Variants in CD46 observed in about 807,000 individuals in gnomAD.
CD46 encodes the protein CD46 molecule.
CD46 carries 30 observed loss-of-function variants against 53.3 expected under a neutral mutation model. That is an observed-to-expected ratio of 0.56 (90% CI 0.42 to 0.76). The LOEUF is 0.76. Ranked by LOEUF, CD46 falls within the 30% of genes least tolerant of loss-of-function variation. The pLI is 0.00. For synonymous variants in CD46, 142 were observed against 152.0 expected, an observed-to-expected ratio of 0.93 and a Z score of 0.48; for missense variants, 409 against 463.0, an observed-to-expected ratio of 0.88 and a Z score of 1.07.
At chr1:207,775,266 A>G (rs759085581) in intron 8 of CD46, among the ~76,000 whole-genome samples, 2 of 152,128 alleles carry the variant, frequency 1.3e-5, no homozygotes, top group African/African-American at 4.8e-5. Flanking sequence ...TGTTTATTCT[A>G]GTTAGCCATT....
chr1:207,758,108 T>G (rs753115118), intron 3 of CD46, among the ~76,000 whole-genome samples: 2 of 152,194 alleles, frequency 1.3e-5, no homozygotes, highest in Admixed American at 6.5e-5. Flanking sequence ...AAACCTTATT[T>G]TTGAGACTGC....
intron 3 of CD46, among the ~76,000 whole-genome samples, chr1:207,758,452 C>G (rs1393574115): frequency 3.3e-5 from 5 of 152,088 alleles, no homozygotes; most frequent in Non-Finnish European, 5.9e-5. Context: ...AGGGGGTTCT[C>G]GCTTTATAAC....
chr1:207,787,807 T>G (rs1325365758), intron 11 of CD46, among the ~76,000 whole-genome samples: 2 of 152,248 alleles, frequency 1.3e-5, no homozygotes, highest in African/African-American at 4.8e-5. Flanking sequence ...TATTATTTTG[T>G]AGTTCCATGT....
chr1:207,793,983 C>T lies in CD46; in HGVS notation c.*506C>T, dbSNP rs1660032448. On this transcript the variant is annotated 3_prime_UTR_variant, in exon 13 of 13. Coordinates refer to ENST00000367042, the MANE Select transcript of CD46 (RefSeq NM_172351.3). ...ATTAATGCCAACTCTTAAGATTATTCTTTCACCAACTATAGAATGTATTTT... is the reference window on the plus strand; with the variant it reads ...ATTAATGCCAACTCTTAAGATTATTTTTTCACCAACTATAGAATGTATTTT... 4.8e-6 allele frequency: 1 copy of T among 209,712 alleles called. No individual in the cohort carries two copies. Among genetic ancestry groups the T allele is most frequent in the Admixed American group, 5.2e-5 (1 of 19,068 alleles). The allele number at this position is 209,712 out of a possible 1,614,324, so 13.0% of individuals were successfully genotyped here.
Position 207,769,764 on chromosome 1 carries a change from TC to T in CD46, c.902-554del, listed in dbSNP as rs200969969. 5.6e-3 allele frequency: 847 copies of T among 150,320 alleles called. 13 individuals are homozygous for T. Among genetic ancestry groups the T allele is most frequent in the African/African-American group, 0.018 (710 of 40,386 alleles). The allele number at this position is 150,320 out of a possible 1,614,324, so 9.3% of individuals were successfully genotyped here. ...ATACATATGTTTACCCCAAGCACAT[TC>T]CCTTTTTTTTTTTTTGAGACAGAGT... On this transcript the variant is annotated intron_variant, in intron 7 of 12. Transcript: ENST00000367042.
rs377495606 is a variant in CD46, at chr1:207,761,223, C to G, written c.476-26C>G. On this transcript the variant is annotated intron_variant, in intron 4 of 12. Coordinates refer to ENST00000367042, the MANE Select transcript of CD46 (RefSeq NM_172351.3). ...ATGCTGTCTTAATCTTTTACATTTC[C>G]TTTCCTCTTTTTCTTCATTTTTAAG... 15 of 1,454,562 alleles carry G rather than the reference C, an allele frequency of 1.0e-5. No individual in the cohort carries two copies. The African/African-American group carries it at 2.0e-4, about 19-fold the overall frequency. The allele number at this position is 1,454,562 out of a possible 1,614,324, so 90.1% of individuals were successfully genotyped here. A position where few individuals can be genotyped will look rare whatever the true frequency, so the allele number is the denominator to read the frequency against.
chr1:207,775,376 G>T (rs1657985269), intron 8 of CD46, among the ~76,000 whole-genome samples: 1 of 152,104 alleles, frequency 6.6e-6, no homozygotes, highest in African/African-American at 2.4e-5. Context: ...ACCTACTTCT[G>T]TTAACTCATC....
In CD46 at chr1:207,774,855, A is replaced by T. The variant is rs141544565; in HGVS notation, c.943+4493A>T. Among the ~76,000 whole-genome samples the T allele has an allele frequency of 6.3e-3, 961 of 152,138 alleles. 10 individuals are homozygous for T. Among genetic ancestry groups the T allele is most frequent in the African/African-American group, 0.022 (921 of 41,486 alleles). ...TTCAACCTTGGTGAATCTGACGATTATGTGTCTTGGGGTTGCACTTTTCAA... is the reference window on the plus strand; with the variant it reads ...TTCAACCTTGGTGAATCTGACGATTTTGTGTCTTGGGGTTGCACTTTTCAA... On this transcript the variant is annotated intron_variant, in intron 8 of 12. Transcript: ENST00000367042.
chr1:207,786,581 C>T (rs1431686476), intron 11 of CD46, among the ~76,000 whole-genome samples: 1 of 151,952 alleles, frequency 6.6e-6, no homozygotes, highest in Non-Finnish European at 1.5e-5. Context: ...AACTGTTTTC[C>T]CCTATAGTTT....
intron 1 of CD46, among the ~76,000 whole-genome samples, chr1:207,754,056 T>C (rs923745338): frequency 2.6e-5 from 4 of 152,212 alleles, no homozygotes; most frequent in Non-Finnish European, 5.9e-5. Context: ...ACACAGTAGA[T>C]AACCAATAAA....
intron 1 of CD46, among the ~76,000 whole-genome samples, chr1:207,756,597 A>G (rs2102535725): frequency 6.6e-6 from 1 of 152,340 alleles, no homozygotes; most frequent in South Asian, 2.1e-4. Flanking sequence ...GACACCCTGA[A>G]GTGACAAGCT....
rs35546891 is a variant in CD46 at position 207,782,640 on chromosome 1, C to CTTTTTTT, written c.944-632_944-626dup. ...AAAGCATTTATTTTTATTAATCCCT[C>CTTTTTTT]TTTTTTTTTTTTTTTTTTTTTTTTT... On this transcript the variant is annotated intron_variant, in intron 8 of 12. Transcript: ENST00000367042. Among the ~76,000 whole-genome samples, 13 of 62,650 alleles carry CTTTTTTT rather than the reference C, an allele frequency of 2.1e-4. 2 individuals are homozygous for CTTTTTTT. The highest frequency in any genetic ancestry group is 7.7e-4 in the African/African-American group (11 of 14,280). The allele number at this position is 62,650 out of a possible 152,430, so 41.1% of individuals were successfully genotyped here. A position where few individuals can be genotyped will look rare whatever the true frequency, so the allele number is the denominator to read the frequency against.
chr1:207,755,933 G>A (rs929617375), intron 1 of CD46, among the ~76,000 whole-genome samples: 1 of 152,162 alleles, frequency 6.6e-6, no homozygotes, highest in Non-Finnish European at 1.5e-5. Flanking sequence ...GTGACATATT[G>A]TGCTGGGTGT....
At chr1:207,764,774 C>A (rs1178057006) in intron 5 of CD46, among the ~76,000 whole-genome samples, 4 of 152,124 alleles carry the variant, frequency 2.6e-5, no homozygotes, top group Non-Finnish European at 4.4e-5. Context: ...ATATGGATAA[C>A]CTGAATACTC....
chr1:207,762,207 T>C (rs1656293146), intron 5 of CD46, among the ~76,000 whole-genome samples: 1 of 152,140 alleles, frequency 6.6e-6, no homozygotes, highest in Non-Finnish European at 1.5e-5. Context: ...TAGAAAGTGT[T>C]TTGAATTGAA....
In CD46 at chr1:207,795,125, A is replaced by G. The variant is rs1660141196; in HGVS notation, c.*1648A>G. The G allele has an allele frequency of 6.6e-6, 1 of 152,240 alleles. No homozygotes were observed. The highest frequency in any genetic ancestry group is 1.9e-4 in the East Asian group (1 of 5,204). The allele number at this position is 152,240 out of a possible 1,614,324, so 9.4% of individuals were successfully genotyped here. A position where few individuals can be genotyped will look rare whatever the true frequency, so the allele number is the denominator to read the frequency against. ...GCTTTTCAAGAATGTCGCAATTACT[A>G]AGAAGCAGATAATGGTGTTTTTTAG... On this transcript the variant is annotated 3_prime_UTR_variant, in exon 13 of 13. Coordinates refer to ENST00000367042, the MANE Select transcript of CD46 (RefSeq NM_172351.3).
chr1:207,787,021 A>G (rs1659328901), intron 11 of CD46, among the ~76,000 whole-genome samples: 1 of 152,178 alleles, frequency 6.6e-6, no homozygotes, highest in African/African-American at 2.4e-5. Context: ...AAGGTTCATT[A>G]ACAAGTATTA....
At chr1:207,754,447 C>T (rs1036615296) in intron 1 of CD46, among the ~76,000 whole-genome samples, 3 of 152,172 alleles carry the variant, frequency 2.0e-5, no homozygotes, top group African/African-American at 7.2e-5. Context: ...TTGTAATCAC[C>T]CTTTTAAAAT....
intron 3 of CD46, among the ~76,000 whole-genome samples, chr1:207,758,667 A>G (rs1317372879): frequency 1.3e-5 from 2 of 152,234 alleles, no homozygotes; most frequent in South Asian, 4.1e-4. Context: ...AAACAATAGC[A>G]GTAACACACC....
Sources: allele counts gnomAD v4.1 joint callset (sites outside exome capture counted in the v4.1 genomes callset), GRCh38; gene constraint gnomAD v4.1.1; transcripts MANE v1.5; gene names NCBI Gene and HGNC (gene_info 2026-07-23, HGNC 2026-07-21).